Variants in TAOK3 observed in about 807,000 individuals in gnomAD.
TAOK3 encodes TAO kinase 3.
A neutral mutation model predicts 120.4 loss-of-function variants in TAOK3; 40 were observed. The ratio of observed to expected loss-of-function variants is 0.33; its 90% CI spans 0.26 to 0.43. The LOEUF (loss-of-function observed/expected upper bound fraction) is 0.43, where lower values mean the gene tolerates loss of function less well. Among genes scored for constraint, TAOK3 ranks in the 20% least tolerant of loss-of-function variants. TAOK3 has a pLI of 1.00. For missense variants in TAOK3, 821 were observed against 1,112.1 expected (o/e 0.74, Z 3.72); for synonymous variants, 355 against 387.5 (o/e 0.92, Z 0.99).
rs2037338576 is a variant in TAOK3, at chr12:118,189,929, T to C, written c.1207A>G (p.Ile403Val). ...SVVHKKDHVF[I>V]RDEAGHGDPR... The stretch of plus-strand genomic sequence containing the variant: ...TCGCCGTGGCCCGCCTCATCCCTTA[T>C]GAATACATGATCCTGCAGAAATGGA... Residue 403 changes from isoleucine (I) to valine (V), a missense_variant, in exon 14 of 21, where the codon ATA becomes GTA. Physicochemically the swap from Ile to Val is conservative, Grantham distance 29. This residue lies in a region of TAOK3 where 467 missense variants were observed against 540.0 expected (regional missense o/e 0.86). Coordinates refer to ENST00000392533, the MANE Select transcript of TAOK3 (RefSeq NM_016281.4). The C allele has an allele frequency of 3.1e-6, 5 of 1,614,060 alleles. No homozygotes were observed. The highest frequency in any genetic ancestry group is 2.7e-5 in the African/African-American group (2 of 74,932).
intron 12 of TAOK3, chr12:118,200,868 G>A (rs2037985031): frequency 6.5e-6 from 1 of 153,050 alleles, no homozygotes; most frequent in Non-Finnish European, 1.5e-5. Context: ...CATTTGCATC[G>A]ACACTGACCT....
intron 1 of TAOK3, among the ~76,000 whole-genome samples, chr12:118,329,191 T>A (rs1212217926): frequency 2.6e-5 from 4 of 152,190 alleles, no homozygotes; most frequent in African/African-American, 9.6e-5. Flanking sequence ...ACTGACAGAC[T>A]GGATAAGAGA....
rs536560099 is a variant in TAOK3, at chr12:118,282,485, T to C, written c.-193-15726A>G. On this transcript the variant is annotated intron_variant, in intron 1 of 20. Transcript: ENST00000392533. Reference sequence around the variant, plus strand: ...GTGGGAGTTCATTGAAATGTATTGATGAGGCTGTTCCACTGTAAGTACTAA... The same window carrying C: ...GTGGGAGTTCATTGAAATGTATTGACGAGGCTGTTCCACTGTAAGTACTAA... 2.2e-4 allele frequency among the ~76,000 whole-genome samples: 34 copies of C among 152,346 alleles called. No individual in the cohort carries two copies. In the South Asian group the frequency reaches 6.8e-3, roughly 31 times the overall value.
At chr12:118,166,814 G>GTGTATA (rs1555210445) in intron 17 of TAOK3, among the ~76,000 whole-genome samples, 15 of 138,982 alleles carry the variant, frequency 1.1e-4, no homozygotes, top group Non-Finnish European at 1.7e-4. Context: ...GTGTGTGTGT[G>GTGTATA]TATATATATA....
At chr12:118,228,137 T>C (rs539852337) in intron 9 of TAOK3, among the ~76,000 whole-genome samples, 7 of 151,968 alleles carry the variant, frequency 4.6e-5, no homozygotes, top group Admixed American at 3.3e-4. Context: ...TCTTATGTTT[T>C]ATTAGTATAT....
chr12:118,200,762 T>C (rs1422925443), intron 12 of TAOK3: 2 of 152,256 alleles, frequency 1.3e-5, no homozygotes, highest in Non-Finnish European at 2.9e-5. Context: ...ATGCTCAGAG[T>C]CACCTTAAAC....
intron 14 of TAOK3, among the ~76,000 whole-genome samples, chr12:118,187,089 A>G (rs1351700418): frequency 6.6e-6 from 1 of 152,256 alleles, no homozygotes; most frequent in Non-Finnish European, 1.5e-5. Context: ...AAGTAAATTT[A>G]AAATATGCAT....
At chr12:118,263,498 G>A (rs892420620) in intron 2 of TAOK3, among the ~76,000 whole-genome samples, 5 of 152,114 alleles carry the variant, frequency 3.3e-5, no homozygotes, top group Non-Finnish European at 4.4e-5. Context: ...ATTAGACTTC[G>A]TCAGGATTAA....
intron 1 of TAOK3, among the ~76,000 whole-genome samples, chr12:118,331,827 ATTTTTTT>A: frequency 7.0e-6 from 1 of 142,158 alleles, no homozygotes; most frequent in African/African-American, 2.6e-5. Flanking sequence ...AAATACATGA[ATTTTTTT>A]TTTTTTTTTT....
intron 1 of TAOK3, among the ~76,000 whole-genome samples, chr12:118,320,871 G>T (rs1238336039): frequency 6.6e-6 from 1 of 151,976 alleles, no homozygotes; most frequent in Non-Finnish European, 1.5e-5. Flanking sequence ...AAAACATTTG[G>T]AAACAACCCA....
intron 19 of TAOK3, 155 bp from the exon 20 acceptor site, chr12:118,152,564 G>A: frequency 1.5e-6 from 1 of 672,470 alleles, no homozygotes; most frequent in Admixed American, 2.9e-5. Flanking sequence ...TCAGAGTTGG[G>A]AATCAAAAAC....
At chr12:118,198,951 T>C in intron 13 of TAOK3, 100 bp downstream of exon 13, 1 of 1,336,276 alleles carries the variant, frequency 7.5e-7, no homozygotes, top group Non-Finnish European at 1.1e-6. Context: ...CACACTGCAG[T>C]TGCAAAAAGG....
At chr12:118,153,469 C>T (rs1371483190) in intron 19 of TAOK3, among the ~76,000 whole-genome samples, 1 of 152,294 alleles carries the variant, frequency 6.6e-6, no homozygotes, top group East Asian at 1.9e-4. Flanking sequence ...AGAGGCATAA[C>T]TGCTTTGAAG....
At chr12:118,352,255 C>T (rs1405384745) in intron 1 of TAOK3, among the ~76,000 whole-genome samples, 1 of 151,996 alleles carries the variant, frequency 6.6e-6, no homozygotes, top group African/African-American at 2.4e-5. Context: ...ACTTTAATAG[C>T]AGCACTTTGG....
chr12:118,172,914 CA>C (rs1261549574), intron 16 of TAOK3, among the ~76,000 whole-genome samples: 2 of 152,068 alleles, frequency 1.3e-5, no homozygotes, highest in Non-Finnish European at 2.9e-5. Flanking sequence ...TCACTCAACA[CA>C]AACTTAACAA....
chr12:118,232,263 C>A (rs935748155), intron 9 of TAOK3, among the ~76,000 whole-genome samples: 1 of 152,132 alleles, frequency 6.6e-6, no homozygotes, highest in Admixed American at 6.6e-5. Flanking sequence ...AAATATACAA[C>A]CAAAGGAGAG....
chr12:118,260,695 T>G (rs2041190019), intron 2 of TAOK3, among the ~76,000 whole-genome samples: 1 of 152,200 alleles, frequency 6.6e-6, no homozygotes, highest in Non-Finnish European at 1.5e-5. Context: ...TATGTCATTA[T>G]TTTGAGATGG....
chr12:118,210,462 T>G (rs2038563611), intron 11 of TAOK3, among the ~76,000 whole-genome samples: 1 of 152,142 alleles, frequency 6.6e-6, no homozygotes, highest in Non-Finnish European at 1.5e-5. Context: ...AGTTGGTTTT[T>G]CCACCCCAAA....
intron 9 of TAOK3, among the ~76,000 whole-genome samples, chr12:118,233,361 C>T (rs1206034808): frequency 6.6e-6 from 1 of 151,196 alleles, no homozygotes; most frequent in East Asian, 1.9e-4. Flanking sequence ...ATGTAACAAA[C>T]CTGCACATTG....
Sources: gnomAD v4.1 joint callset for allele counts (sites outside exome capture counted in the v4.1 genomes callset) on GRCh38, gnomAD v4.1.1 for gene constraint, gnomAD v4.1.1 regional missense constraint, MANE v1.5 for transcripts, NCBI Gene and HGNC (gene_info 2026-07-23, HGNC 2026-07-21) for gene names.